CMYA5: variants seen among roughly 807,000 people sequenced by gnomAD.
CMYA5 encodes the protein cardiomyopathy associated 5.
In CMYA5, 246 loss-of-function variants were observed where a neutral mutation model predicts 318.9. That is an observed-to-expected ratio of 0.77 (90% confidence interval 0.70 to 0.86). The LOEUF (loss-of-function observed/expected upper bound fraction) is 0.86, where lower values mean the gene tolerates loss of function less well. CMYA5 is among the 40% of genes least tolerant of loss of function. The pLI is 0.00. For synonymous variants in CMYA5, 1,641 were observed against 1,729.5 expected (o/e 0.95, Z 1.27); for missense variants, 4,589 against 4,678.2 (o/e 0.98, Z 0.56).
At chr5:79,786,875 C>G (rs1304610547) in intron 9 of CMYA5, among the ~76,000 whole-genome samples, 2 of 152,168 alleles carry the variant, frequency 1.3e-5, no homozygotes, top group African/African-American at 2.4e-5. Context: ...CTTTTGTTTG[C>G]GTGCCTGCTG....
intron 1 of CMYA5, among the ~76,000 whole-genome samples, chr5:79,715,284 A>G (rs1827492000): frequency 7.8e-6 from 1 of 127,430 alleles, no homozygotes; most frequent in Admixed American, 7.5e-5. Flanking sequence ...TGTTATTTTA[A>G]TAATAATAAT....
chr5:79,737,906 C>T lies in CMYA5; in HGVS notation c.9141C>T (p.Pro3047=). 6.2e-7 allele frequency: 1 copy of T among 1,605,488 alleles called. No individual in the cohort carries two copies. ...TATCATTTATTCAGCCCACAATTCC[C>T]AGTGAAGAGGATTATTTTGAAAAAT... ...TDLSFIQPTI[P]SEEDYFEKYT... The change falls in exon 2 of 13, where the codon CCC becomes CCT. Residue 3047 remains proline (P), a synonymous_variant. Transcript: ENST00000446378.
chr5:79,692,468 A>G (rs996535139), intron 1 of CMYA5, among the ~76,000 whole-genome samples: 1 of 152,224 alleles, frequency 6.6e-6, no homozygotes, highest in Non-Finnish European at 1.5e-5. Flanking sequence ...AGGAAAGCTC[A>G]TCATTTACAT....
In CMYA5 at chr5:79,717,999, C is replaced by T. The variant is rs1477820663; in HGVS notation, c.150-10916C>T. On this transcript the variant is annotated intron_variant, in intron 1 of 12. Coordinates refer to ENST00000446378, the MANE Select transcript of CMYA5 (RefSeq NM_153610.5). Reference sequence around the variant, plus strand: ...CGCCTCCCGGGTTCACGCCATTCTCCTGCCTCAGCCTCCCAAGTAGCTAGG... The same window carrying T: ...CGCCTCCCGGGTTCACGCCATTCTCTTGCCTCAGCCTCCCAAGTAGCTAGG... Among the ~76,000 whole-genome samples the T allele has an allele frequency of 5.8e-5, 4 of 69,460 alleles. 1 individual carries two copies. Among genetic ancestry groups the T allele is most frequent in the African/African-American group, 8.9e-5 (1 of 11,216 alleles). The allele number at this position is 69,460 out of a possible 152,430, so 45.6% of individuals were successfully genotyped here.
chr5:79,755,247 A>G (rs1828503956), intron 6 of CMYA5, among the ~76,000 whole-genome samples: 1 of 151,684 alleles, frequency 6.6e-6, no homozygotes, highest in Admixed American at 6.6e-5. Context: ...GCCTCTTATA[A>G]TGAAGCCCTA....
Position 79,731,991 on chromosome 5 carries a change from G to A in CMYA5, c.3226G>A (p.Glu1076Lys). ...AACTTTCCCTTTGATGTCTCCGCTT[G>A]AAGACTTAAGTCTGCCGCCTTCAAC... ...AETFPLMSPL[E>K]DLSLPPSTDK... Residue 1076 changes from glutamate (E) to lysine (K), a missense_variant, in exon 2 of 13, where the codon GAA (glutamate) becomes AAA (lysine). By Grantham distance (56) the Glu-to-Lys change is moderately conservative. Coordinates refer to ENST00000446378, the MANE Select transcript of CMYA5 (RefSeq NM_153610.5). 6.2e-7 allele frequency: 1 copy of A among 1,613,858 alleles called. No homozygotes were observed. Among genetic ancestry groups the A allele is most frequent in the Non-Finnish European group, 8.5e-7 (1 of 1,179,850 alleles).
chr5:79,707,558 G>GTT (rs1827297884), intron 1 of CMYA5, among the ~76,000 whole-genome samples: 1 of 152,142 alleles, frequency 6.6e-6, no homozygotes, highest in Non-Finnish European at 1.5e-5. Context: ...ATTAAAGTGA[G>GTT]TTTACATATC....
intron 1 of CMYA5, among the ~76,000 whole-genome samples, chr5:79,702,585 C>G (rs1376595369): frequency 2.0e-5 from 3 of 151,980 alleles, no homozygotes; most frequent in Admixed American, 1.3e-4. Flanking sequence ...TTTGTGTTTG[C>G]CTAGAGCTGG....
At position 79,735,154 on chromosome 5, in the gene CMYA5, C is replaced by T. The variant is rs1410536295; in HGVS notation, c.6389C>T (p.Thr2130Ile). Residue 2130 changes from threonine (T) to isoleucine (I), a missense_variant, in exon 2 of 13, where the codon ACA becomes ATA. Coordinates refer to ENST00000446378, the MANE Select transcript of CMYA5 (RefSeq NM_153610.5). ...KKPSPEVKIP[T>I]QRKPISSIHA... Reference sequence around the variant, plus strand: ...CCATCACCTGAAGTAAAAATACCCACACAAAGAAAACCCATCTCCTCAATC... The same window carrying T: ...CCATCACCTGAAGTAAAAATACCCATACAAAGAAAACCCATCTCCTCAATC... The T allele has an allele frequency of 6.2e-7, 1 of 1,613,616 alleles. No homozygotes were observed. The highest frequency in any genetic ancestry group is 8.5e-7 in the Non-Finnish European group (1 of 1,179,770).
chr5:79,736,955 T>G lies in CMYA5; in HGVS notation c.8190T>G (p.Cys2730Trp), dbSNP rs1237072983. The change falls in exon 2 of 13, where the codon TGT (cysteine) becomes TGG (tryptophan). Residue 2730 changes from cysteine to tryptophan, a missense_variant. Physicochemically the swap from Cys to Trp is radical, Grantham distance 215. Transcript: ENST00000446378. ...CTTTCCTGCCAGTGGTTCTTTCTTG[T>G]CATGATGAAATAGAGAACCACTCTT... ...TKTFLPVVLS[C>W]HDEIENHSLS... The G allele has an allele frequency of 6.2e-7, 1 of 1,613,088 alleles. No homozygotes were observed. The highest frequency in any genetic ancestry group is 1.7e-5 in the Admixed American group (1 of 59,818).
intron 12 of CMYA5, among the ~76,000 whole-genome samples, chr5:79,796,759 T>C (rs767012016): frequency 6.6e-6 from 1 of 152,234 alleles, no homozygotes; most frequent in Non-Finnish European, 1.5e-5. Flanking sequence ...AAGAAGAGCA[T>C]GTTTTAATAT....
intron 1 of CMYA5, among the ~76,000 whole-genome samples, chr5:79,702,660 G>T (rs1827196278): frequency 6.6e-6 from 1 of 152,162 alleles, no homozygotes; most frequent in Non-Finnish European, 1.5e-5. Flanking sequence ...TTGGGGTGAT[G>T]AAAATGTTCT....
chr5:79,728,762 T>G (rs1477125344), intron 1 of CMYA5, among the ~76,000 whole-genome samples, 153 bp from the exon 2 acceptor site: 1 of 152,330 alleles, frequency 6.6e-6, no homozygotes, highest in South Asian at 2.1e-4. Flanking sequence ...CTTTATTTGA[T>G]ATACATCCCT....
At chr5:79,697,827 A>T (rs1827100331) in intron 1 of CMYA5, among the ~76,000 whole-genome samples, 1 of 152,178 alleles carries the variant, frequency 6.6e-6, no homozygotes, top group Non-Finnish European at 1.5e-5. Context: ...ATTTACTTCA[A>T]ACTTTTTTAA....
At chr5:79,690,148 G>A in intron 1 of CMYA5, 92 bp downstream of exon 1, 1 of 1,362,126 alleles carries the variant, frequency 7.3e-7, no homozygotes, top group Non-Finnish European at 9.5e-7. Flanking sequence ...TCTGGGGTTC[G>A]TTTGCCTCGA....
rs150123350 is a variant in CMYA5, at chr5:79,755,090, C to T, written c.11110+2296C>T. Among the ~76,000 whole-genome samples, 171 of 152,238 alleles carry T rather than the reference C, an allele frequency of 1.1e-3. 1 individual carries two copies. Among genetic ancestry groups the T allele is most frequent in the African/African-American group, 3.8e-3 (158 of 41,514 alleles). On this transcript the variant is annotated intron_variant, in intron 6 of 12. Transcript: ENST00000446378. Reference sequence around the variant, plus strand: ...GTGAATAATGCTGCTCCCCTGAGGACGTTCCAAAGGCCAGGTTGAGTGGAA... The same window carrying T: ...GTGAATAATGCTGCTCCCCTGAGGATGTTCCAAAGGCCAGGTTGAGTGGAA...
Position 79,737,628 on chromosome 5 carries a change from A to G in CMYA5, c.8863A>G (p.Asn2955Asp), listed in dbSNP as rs780680689. 8.7e-6 allele frequency: 14 copies of G among 1,613,528 alleles called. No homozygotes were observed. The highest frequency in any genetic ancestry group is 1.1e-5 in the Non-Finnish European group (13 of 1,179,784). The part of the protein sequence containing the change: ...SIISEGCEIL[N>D]IHAPAFISSI... ...CATTTCTGAAGGCTGTGAGATATTG[A>G]ATATTCATGCTCCGGCCTTTATTTC... Residue 2955 changes from asparagine to aspartate, a missense_variant, in exon 2 of 13, where the codon AAT (asparagine) becomes GAT (aspartate). Asn to Asp is a conservative substitution (Grantham distance 23, BLOSUM62 1). Around this residue, in one of 3 missense-constraint regions of CMYA5, gnomAD observed 2,431 missense variants for 2,495.1 expected, o/e 0.97. Coordinates refer to ENST00000446378, the MANE Select transcript of CMYA5 (RefSeq NM_153610.5).
In CMYA5 at chr5:79,729,792, C is replaced by T. The variant is rs201559548; in HGVS notation, c.1027C>T (p.Pro343Ser). 1.1e-3 allele frequency: 1,748 copies of T among 1,613,846 alleles called. 30 individuals are homozygous for T. The South Asian group carries it at 0.018, about 17-fold the overall frequency. The change falls in exon 2 of 13, where the codon CCC becomes TCC. Residue 343 changes from proline (P) to serine (S), a missense_variant. Pro to Ser is a moderately conservative substitution (Grantham distance 74, BLOSUM62 -1). Transcript: ENST00000446378. ...NATSALEHTVPSYSSSGRAEQ... is the reference protein window; with the variant it reads ...NATSALEHTVSSYSSSGRAEQ... ...CACATCTGCATTGGAGCACACAGTT[C>T]CCTCTTATTCAAGTAGTGGCAGAGC...
At position 79,793,615 on chromosome 5, in the gene CMYA5, G is replaced by T. The variant is rs777283072; in HGVS notation, c.11963+5G>T. ...GCACTGCTCTGAGCCACAGAGGTAA[G>T]CGAGCCCTTCCCCTCCCCTCTTCAT... On this transcript the variant is annotated splice_donor_5th_base_variant and intron_variant, in intron 12 of 12. Coordinates refer to ENST00000446378, the MANE Select transcript of CMYA5 (RefSeq NM_153610.5). The T allele has an allele frequency of 1.9e-6, 3 of 1,587,480 alleles. No individual in the cohort carries two copies. The highest frequency in any genetic ancestry group is 1.3e-5 in the African/African-American group (1 of 74,532).
Sources: gnomAD v4.1 joint callset for allele counts (sites outside exome capture counted in the v4.1 genomes callset) on GRCh38, gnomAD v4.1.1 for gene constraint, gnomAD v4.1.1 regional missense constraint, MANE v1.5 for transcripts, NCBI Gene and HGNC (gene_info 2026-07-23, HGNC 2026-07-21) for gene names.